GNPDA2: variants seen among roughly 807,000 people sequenced by gnomAD.
GNPDA2 encodes glucosamine-6-phosphate deaminase 2, also known as glcN6P deaminase 2.
In GNPDA2, 24 loss-of-function variants were observed where a neutral mutation model predicts 27.0. That is an observed-to-expected ratio of 0.89 (90% CI 0.64 to 1.25). GNPDA2 has a LOEUF of 1.25. GNPDA2 is among the 50% of genes most tolerant of loss of function. GNPDA2 has a pLI of 0.00. For missense variants in GNPDA2, 286 were observed against 335.1 expected (o/e 0.85, Z 1.14); for synonymous variants, 94 against 108.4 (o/e 0.87, Z 0.83).
intron 1 of GNPDA2, among the ~76,000 whole-genome samples, chr4:44,726,190 A>C (rs1193357020): frequency 6.6e-6 from 1 of 152,134 alleles, no homozygotes; most frequent in African/African-American, 2.4e-5. Context: ...GACTGTTAGG[A>C]ATTTTTAACG....
chr4:44,718,587 A>G (rs1717464605), intron 2 of GNPDA2, among the ~76,000 whole-genome samples, 177 bp from the exon 3 acceptor site: 1 of 151,926 alleles, frequency 6.6e-6, no homozygotes, highest in Admixed American at 6.6e-5. Context: ...TTGGTAAACC[A>G]GAATTTGCTG....
chr4:44,724,506 G>A (rs1310635238), intron 1 of GNPDA2, among the ~76,000 whole-genome samples: 2 of 151,938 alleles, frequency 1.3e-5, no homozygotes, highest in Middle Eastern at 3.2e-3. Context: ...GTTTATAAAC[G>A]TCCCCTTATA....
At chr4:44,708,553 G>A (rs1215262605) in intron 5 of GNPDA2, among the ~76,000 whole-genome samples, 1 of 151,990 alleles carries the variant, frequency 6.6e-6, no homozygotes, top group African/African-American at 2.4e-5. Context: ...ACCCTTATAA[G>A]CTACAGAAAA....
At chr4:44,720,381 T>C (rs1437449129) in intron 2 of GNPDA2, among the ~76,000 whole-genome samples, 1 of 152,074 alleles carries the variant, frequency 6.6e-6, no homozygotes, top group Non-Finnish European at 1.5e-5. Context: ...TTAAATAACA[T>C]GCTAGGAATA....
At chr4:44,711,745 G>A (rs1193325072) in intron 4 of GNPDA2, among the ~76,000 whole-genome samples, 1 of 141,942 alleles carries the variant, frequency 7.0e-6, no homozygotes, top group African/African-American at 2.6e-5. Context: ...TAGGGCAACA[G>A]TTTTTTTTTT....
intron 6 of GNPDA2, chr4:44,705,494 G>C: frequency 1.0e-6 from 1 of 984,912 alleles, no homozygotes; most frequent in Non-Finnish European, 1.2e-6. Context: ...CGAATGGTCT[G>C]TTTCAAAATT....
Position 44,701,799 on chromosome 4 carries a change from A to G in GNPDA2, c.*1282T>C. 1.0e-6 allele frequency: 1 copy of G among 983,614 alleles called. No individual in the cohort carries two copies. Among genetic ancestry groups the G allele is most frequent in the Non-Finnish European group, 1.2e-6 (1 of 828,332 alleles). The allele number at this position is 983,614 out of a possible 1,614,324, so 60.9% of individuals were successfully genotyped here. On this transcript the variant is annotated 3_prime_UTR_variant, in exon 7 of 7. Coordinates refer to ENST00000295448, the MANE Select transcript of GNPDA2 (RefSeq NM_138335.3). ...AAAAAACATTTATAAGGCTATTAAA[A>G]CATCATCTGGAATTAAAGCAGCATA...
chr4:44,702,737 A>G lies in GNPDA2; in HGVS notation c.*344T>C. 1 of 1,079,984 alleles carries G rather than the reference A, an allele frequency of 9.3e-7. No homozygotes were observed. The highest frequency in any genetic ancestry group is 1.7e-5 in the African/African-American group (1 of 58,954). The allele number at this position is 1,079,984 out of a possible 1,614,324, so 66.9% of individuals were successfully genotyped here. On this transcript the variant is annotated 3_prime_UTR_variant, in exon 7 of 7. Transcript: ENST00000295448. ...GTGTCTTGTCATTAAAAAATGAAAT[A>G]TACGCCACTGGAGTCATATCACAAA... is the stretch of plus-strand genomic sequence containing the variant.
At chr4:44,713,846 C>CTTGA (rs1230247116) in intron 4 of GNPDA2, among the ~76,000 whole-genome samples, 1 of 152,174 alleles carries the variant, frequency 6.6e-6, no homozygotes, top group Non-Finnish European at 1.5e-5. Flanking sequence ...AGCCACTGTA[C>CTTGA]TCCAGCCTGG....
rs1197066708 is a variant in GNPDA2, at chr4:44,703,107, G to A, written c.805C>T (p.Leu269=). The change falls in exon 7 of 7, where the codon CTA becomes TTA. Residue 269 remains leucine, a synonymous_variant. Coordinates refer to ENST00000295448, the MANE Select transcript of GNPDA2 (RefSeq NM_138335.3). ...CAGTTTCCATCTTTCATACTGAATA[G>A]TGGATCCACAAGTTTATTGTGCACA... ...MHVHNKLVDP[L]FSMKDGN 1 of 1,611,962 alleles carries A rather than the reference G, an allele frequency of 6.2e-7. No individual in the cohort carries two copies. The highest frequency in any genetic ancestry group is 1.1e-5 in the South Asian group (1 of 90,706).
At chr4:44,723,781 T>C (rs1453799798) in intron 1 of GNPDA2, among the ~76,000 whole-genome samples, 1 of 152,116 alleles carries the variant, frequency 6.6e-6, no homozygotes, top group African/African-American at 2.4e-5. Context: ...GCAGGGATAC[T>C]GAAGCAAGAA....
intron 4 of GNPDA2, among the ~76,000 whole-genome samples, chr4:44,715,065 C>G (rs1212116453): frequency 6.6e-6 from 1 of 152,070 alleles, no homozygotes; most frequent in African/African-American, 2.4e-5. Flanking sequence ...TATGCAACAT[C>G]TATTTCAAAA....
At chr4:44,703,327 G>A (rs1165603106) in intron 6 of GNPDA2, 185 bp from the exon 7 acceptor site, 1 of 1,369,762 alleles carries the variant, frequency 7.3e-7, no homozygotes, top group East Asian at 2.8e-5. Flanking sequence ...TATCTACCTA[G>A]CAAATACCAA....
At chr4:44,724,387 T>A (rs1416371782) in intron 1 of GNPDA2, among the ~76,000 whole-genome samples, 1 of 152,186 alleles carries the variant, frequency 6.6e-6, no homozygotes, top group Non-Finnish European at 1.5e-5. Flanking sequence ...TTCCTTCGGG[T>A]AGATACCCAG....
intron 6 of GNPDA2, chr4:44,705,419 GA>G: frequency 1.0e-6 from 1 of 985,040 alleles, no homozygotes; most frequent in Non-Finnish European, 1.2e-6. Context: ...AACCTCTTCA[GA>G]AATACAGACA....
chr4:44,726,298 G>C (rs893633332), intron 1 of GNPDA2, among the ~76,000 whole-genome samples, 176 bp downstream of exon 1: 1 of 152,168 alleles, frequency 6.6e-6, no homozygotes, highest in Non-Finnish European at 1.5e-5. Context: ...CCAGGTCCGC[G>C]AGTGGCAATA....
intron 4 of GNPDA2, 32 bp from the exon 5 acceptor site, chr4:44,711,169 T>C (rs757954974): frequency 5.8e-6 from 8 of 1,368,102 alleles, no homozygotes; most frequent in Non-Finnish European, 7.7e-6. Flanking sequence ...CATATACACA[T>C]GAAGTAAATA....
Position 44,707,967 on chromosome 4 carries a change from A to G in GNPDA2, c.595-41T>C, listed in dbSNP as rs754670160. On this transcript the variant is annotated intron_variant, in intron 5 of 6. Coordinates refer to ENST00000295448, the MANE Select transcript of GNPDA2 (RefSeq NM_138335.3). ...CATCAATTGTTAAAACTTGTTCCAA[A>G]TGAGTAAGAAGCTCTATTTTTTTTA... 16 of 1,402,042 alleles carry G rather than the reference A, an allele frequency of 1.1e-5. No individual in the cohort carries two copies. In the African/African-American group the frequency reaches 2.0e-4, roughly 18 times the overall value. 86.9% of individuals were successfully genotyped at this position (1,402,042 alleles called of 1,614,324 possible). A position where few individuals can be genotyped will look rare whatever the true frequency, so the allele number is the denominator to read the frequency against.
At chr4:44,714,453 C>T (rs1717160140) in intron 4 of GNPDA2, 2 of 985,140 alleles carry the variant, frequency 2.0e-6, no homozygotes, top group Non-Finnish European at 1.2e-6. Flanking sequence ...GGAAAGGGAC[C>T]TCTGCTCTAA....
Sources: gnomAD v4.1 joint callset for allele counts (sites outside exome capture counted in the v4.1 genomes callset) on GRCh38, gnomAD v4.1.1 for gene constraint, MANE v1.5 for transcripts, NCBI Gene and HGNC (gene_info 2026-07-23, HGNC 2026-07-21) for gene names.